Variants in TBPL2 observed in about 807,000 individuals in gnomAD.
The protein encoded by TBPL2 is TATA-box binding protein like 2, also known as TATA box-binding protein-like 2.
A neutral mutation model predicts 38.2 loss-of-function variants in TBPL2; 40 were observed. The ratio of observed to expected loss-of-function variants is 1.05; its 90% CI spans 0.81 to 1.36. The LOEUF is 1.36. Among genes scored for constraint, TBPL2 ranks in the 40% most tolerant of loss-of-function variants. The pLI, the probability that TBPL2 is intolerant of heterozygous loss-of-function variation, is 0.00. For synonymous variants in TBPL2, 169 were observed against 171.7 expected (o/e 0.98, Z 0.12); for missense variants, 461 against 456.7 (o/e 1.01, Z -0.09).
intron 6 of TBPL2, among the ~76,000 whole-genome samples, chr14:55,415,852 C>T (rs575751125): frequency 6.4e-4 from 97 of 152,026 alleles, no homozygotes; most frequent in Non-Finnish European, 1.1e-3. Context: ...GGCGACACAG[C>T]GAGACTCTGT....
At chr14:55,418,200 G>A (rs1359210418) in intron 6 of TBPL2, among the ~76,000 whole-genome samples, 1 of 152,196 alleles carries the variant, frequency 6.6e-6, no homozygotes, top group Non-Finnish European at 1.5e-5. Context: ...CAGCAGGGCT[G>A]GATTCCTGCC....
chr14:55,421,060 C>CAAAAAAA (rs71131263), intron 6 of TBPL2, among the ~76,000 whole-genome samples: 10 of 107,556 alleles, frequency 9.3e-5, no homozygotes, highest in South Asian at 3.3e-4. Flanking sequence ...GAATCTGTCT[C>CAAAAAAA]AAAAAAAAAA....
chr14:55,425,874 C>T (rs918573153), intron 5 of TBPL2, among the ~76,000 whole-genome samples: 10 of 152,186 alleles, frequency 6.6e-5, no homozygotes, highest in Non-Finnish European at 4.4e-5. Flanking sequence ...GGGACTATAG[C>T]TATATTGCTT....
At chr14:55,433,549 T>C in intron 4 of TBPL2, 81 bp downstream of exon 4, 1 of 1,365,674 alleles carries the variant, frequency 7.3e-7, no homozygotes, top group Non-Finnish European at 1.0e-6. Context: ...TACTATGTGC[T>C]TTAGCACATT....
At chr14:55,429,438 C>A (rs1304093200) in intron 4 of TBPL2, among the ~76,000 whole-genome samples, 3 of 152,156 alleles carry the variant, frequency 2.0e-5, no homozygotes, top group Non-Finnish European at 4.4e-5. Flanking sequence ...GTTTGGGAAC[C>A]ATTCATCCAG....
At chr14:55,414,980 C>T (rs1048002232) in intron 6 of TBPL2, among the ~76,000 whole-genome samples, 7 of 152,102 alleles carry the variant, frequency 4.6e-5, no homozygotes, top group African/African-American at 7.2e-5. Context: ...TACTGTCACT[C>T]GTAAAGTCTT....
Position 55,414,339 on chromosome 14 carries a change from A to C in TBPL2, c.*40T>G, listed in dbSNP as rs771947543. On this transcript the variant is annotated 3_prime_UTR_variant, in exon 7 of 7. Transcript: ENST00000247219. The stretch of plus-strand genomic sequence containing the variant: ...CTGTTTCTGTGCTGGGCTTATGGAC[A>C]TATTCAAACCAGAATAATGTGAGAT... 4 of 1,447,248 alleles carry C rather than the reference A, an allele frequency of 2.8e-6. No individual in the cohort carries two copies. In the East Asian group the frequency reaches 9.1e-5, roughly 33 times the overall value. 89.7% of individuals were successfully genotyped at this position (1,447,248 alleles called of 1,614,324 possible). A position where few individuals can be genotyped will look rare whatever the true frequency, so the allele number is the denominator to read the frequency against.
Position 55,429,824 on chromosome 14 carries a change from C to CA in TBPL2, c.789-851dup, listed in dbSNP as rs370330610. 3.1e-3 allele frequency among the ~76,000 whole-genome samples: 400 copies of CA among 129,714 alleles called. 2 individuals are homozygous for CA. The highest frequency in any genetic ancestry group is 9.9e-3 in the African/African-American group (346 of 34,984). The allele number at this position is 129,714 out of a possible 152,430, so 85.1% of individuals were successfully genotyped here. A position where few individuals can be genotyped will look rare whatever the true frequency, so the allele number is the denominator to read the frequency against. ...AAGAAAAAATAAGGACACATGCATA[C>CA]AAAAAAAAATCGCATATAAGGAGGT... On this transcript the variant is annotated intron_variant, in intron 4 of 6. Transcript: ENST00000247219.
intron 6 of TBPL2, among the ~76,000 whole-genome samples, chr14:55,416,009 C>G (rs1355087520): frequency 6.6e-6 from 1 of 152,050 alleles, no homozygotes; most frequent in Non-Finnish European, 1.5e-5. Context: ...TTATAAGATT[C>G]TATGTATAAG....
chr14:55,417,711 C>G (rs1197710798), intron 6 of TBPL2, among the ~76,000 whole-genome samples: 1 of 152,196 alleles, frequency 6.6e-6, no homozygotes, highest in Non-Finnish European at 1.5e-5. Context: ...ATCTGCCCAC[C>G]TTGGCCTCCC....
chr14:55,422,143 T>G (rs1207611015), intron 6 of TBPL2, among the ~76,000 whole-genome samples: 1 of 152,006 alleles, frequency 6.6e-6, no homozygotes, highest in African/African-American at 2.4e-5. Flanking sequence ...AAAAGAAAGG[T>G]CAAAAGGAGT....
intron 4 of TBPL2, among the ~76,000 whole-genome samples, chr14:55,430,389 C>T (rs1390851909): frequency 7.6e-6 from 1 of 131,298 alleles, no homozygotes; most frequent in African/African-American, 3.0e-5. Flanking sequence ...TGATTCTCCT[C>T]ACCCACTTTA....
intron 5 of TBPL2, among the ~76,000 whole-genome samples, chr14:55,427,866 A>T (rs8016239): frequency 6.8e-6 from 1 of 147,828 alleles, no homozygotes; most frequent in Non-Finnish European, 1.5e-5. Context: ...TAGGGGACAA[A>T]CTAGTTAGGA....
At chr14:55,428,561 G>A in intron 5 of TBPL2, among the ~76,000 whole-genome samples, 1 of 152,138 alleles carries the variant, frequency 6.6e-6, no homozygotes, top group East Asian at 1.9e-4. Flanking sequence ...CCCAGCCAGA[G>A]ATGTGTGCTT....
intron 1 of TBPL2, among the ~76,000 whole-genome samples, chr14:55,439,407 G>T (rs1018701873): frequency 6.6e-6 from 1 of 152,096 alleles, no homozygotes; most frequent in African/African-American, 2.4e-5. Context: ...GGGGACAGGG[G>T]CTCTCTGTTT....
chr14:55,436,512 A>G, intron 2 of TBPL2, 49 bp downstream of exon 2: 1 of 1,493,626 alleles, frequency 6.7e-7, no homozygotes, highest in South Asian at 1.2e-5. Flanking sequence ...ATTCAGGAAT[A>G]TAAAATGTGT....
intron 5 of TBPL2, among the ~76,000 whole-genome samples, chr14:55,424,927 T>G (rs1217214879): frequency 6.6e-6 from 1 of 152,120 alleles, no homozygotes; most frequent in Non-Finnish European, 1.5e-5. Flanking sequence ...TTGAGGAACC[T>G]ACCAAAAAGA....
At chr14:55,436,533 C>T (rs1170997137) in intron 2 of TBPL2, 28 bp downstream of exon 2, 1 of 1,589,504 alleles carries the variant, frequency 6.3e-7, no homozygotes, top group South Asian at 1.1e-5. Context: ...ACCCAATGTG[C>T]TCAATTAAAA....
exon 3 of TBPL2, chr14:55,435,913 G>A: frequency 6.3e-7 from 1 of 1,580,438 alleles, no homozygotes; most frequent in South Asian, 1.2e-5. Context: ...TACAGGCCAG[G>A]TTTACAGTGG....
Sources: gnomAD v4.1 joint callset for allele counts (sites outside exome capture counted in the v4.1 genomes callset) on GRCh38, gnomAD v4.1.1 for gene constraint, MANE v1.5 for transcripts, NCBI Gene and HGNC (gene_info 2026-07-23, HGNC 2026-07-21) for gene names.